The following STON1 variants were observed in gnomAD, a reference collection of about 807,000 sequenced individuals.
STON1 encodes the protein stonin 1.
In STON1, 79 loss-of-function variants were observed where a neutral mutation model predicts 60.9. The observed-to-expected ratio is 1.30, with a 90% confidence interval of 1.08 to 1.56. The LOEUF is 1.56. STON1 is among the 40% of genes most tolerant of loss of function. STON1 has a pLI of 0.00. For missense variants in STON1, 1,166 were observed against 858.9 expected (o/e 1.36, Z -4.47); for synonymous variants, 363 against 306.9 (o/e 1.18, Z -1.91).
intron 1 of STON1, among the ~76,000 whole-genome samples, chr2:48,574,420 T>C (rs1406934908): frequency 1.3e-5 from 2 of 151,798 alleles, no homozygotes; most frequent in Admixed American, 6.6e-5. Context: ...AATTTGATAG[T>C]TGTGATGGTT....
intron 2 of STON1, among the ~76,000 whole-genome samples, chr2:48,589,282 A>T (rs928752105): frequency 4.6e-5 from 7 of 152,104 alleles, no homozygotes; most frequent in Non-Finnish European, 8.8e-5. Context: ...TATCAACTAG[A>T]CCTAAGATTT....
chr2:48,565,094 C>A (rs1482752566), intron 1 of STON1, among the ~76,000 whole-genome samples: 15 of 145,150 alleles, frequency 1.0e-4, no homozygotes, highest in African/African-American at 3.8e-4. Context: ...GCTCTGTCGC[C>A]CAGGCTGGAG....
rs1248563008 is a variant in STON1 at position 48,598,316 on chromosome 2, T to C, written c.*3014T>C. On this transcript the variant is annotated 3_prime_UTR_variant, in exon 4 of 4. Coordinates refer to ENST00000404752, the MANE Select transcript of STON1 (RefSeq NM_006873.4). ...GTTAGTTCCCTTCATTCCAGAGCTA[T>C]GCTTGTGATACAGCCCCTTTTCTTA... is the stretch of plus-strand genomic sequence containing the variant. 2 of 152,732 alleles carry C rather than the reference T, an allele frequency of 1.3e-5. No homozygotes were observed. The highest frequency in any genetic ancestry group is 2.9e-5 in the Non-Finnish European group (2 of 68,034). 9.5% of individuals were successfully genotyped at this position (152,732 alleles called of 1,614,324 possible). A position where few individuals can be genotyped will look rare whatever the true frequency, so the allele number is the denominator to read the frequency against.
Position 48,560,396 on chromosome 2 carries a change from TGG to T in STON1, c.-47-20188_-47-20187del, listed in dbSNP as rs960761173. Among the ~76,000 whole-genome samples the T allele has an allele frequency of 7.2e-5, 11 of 152,170 alleles. 1 individual carries two copies. The highest frequency in any genetic ancestry group is 1.6e-4 in the Non-Finnish European group (11 of 68,014). ...AGGGTCCTGCACCCCAGCCCAAACCTGGGGACCCCTTAGGGATAATGCCCTTT... is the reference window on the plus strand; with the variant it reads ...AGGGTCCTGCACCCCAGCCCAAACCTGGACCCCTTAGGGATAATGCCCTTT... On this transcript the variant is annotated intron_variant, in intron 1 of 3. Coordinates refer to ENST00000404752, the MANE Select transcript of STON1 (RefSeq NM_006873.4).
At chr2:48,565,219 AT>A (rs1437865313) in intron 1 of STON1, among the ~76,000 whole-genome samples, 2 of 150,466 alleles carry the variant, frequency 1.3e-5, no homozygotes, top group African/African-American at 4.9e-5. Flanking sequence ...CGCCCGGCTA[AT>A]TTTTTGTATT....
chr2:48,580,464 T>A (rs62823761), intron 1 of STON1, 123 bp from the exon 2 acceptor site: 11 of 1,009,256 alleles, frequency 1.1e-5, no homozygotes, highest in African/African-American at 1.7e-5. Context: ...GTTTTTTTTT[T>A]AATCCACTTA....
intron 2 of STON1, among the ~76,000 whole-genome samples, chr2:48,589,146 G>A (rs779386974): frequency 1.3e-5 from 2 of 151,706 alleles, no homozygotes; most frequent in Non-Finnish European, 2.9e-5. Context: ...TTTTTCTTCT[G>A]CCCTGTCATC....
chr2:48,541,878 G>C (rs780922249), intron 1 of STON1, among the ~76,000 whole-genome samples: 3 of 152,044 alleles, frequency 2.0e-5, no homozygotes, highest in African/African-American at 4.8e-5. Flanking sequence ...CGCTTACTGC[G>C]GTGTCTCACT....
At position 48,577,185 on chromosome 2, in the gene STON1, C is replaced by G. The variant is rs552867225; in HGVS notation, c.-47-3402C>G. On this transcript the variant is annotated intron_variant, in intron 1 of 3. Transcript: ENST00000404752. The stretch of plus-strand genomic sequence containing the variant: ...AACTTTTAAGTTTAATGGTGTCTCA[C>G]TTTTCTGTTTTTGCTTTTGTTGCCT... Among the ~76,000 whole-genome samples, 7 of 152,208 alleles carry G rather than the reference C, an allele frequency of 4.6e-5. No homozygotes were observed. In the South Asian group the frequency reaches 1.4e-3, roughly 32 times the overall value.
chr2:48,576,926 C>A (rs946381849), intron 1 of STON1, among the ~76,000 whole-genome samples: 1 of 151,128 alleles, frequency 6.6e-6, no homozygotes, highest in Non-Finnish European at 1.5e-5. Flanking sequence ...CGGTGGCGGG[C>A]GCCTGTAGTC....
At chr2:48,552,630 T>A (rs1438723156) in intron 1 of STON1, among the ~76,000 whole-genome samples, 3 of 149,228 alleles carry the variant, frequency 2.0e-5, no homozygotes, top group African/African-American at 7.4e-5. Context: ...TTTAGCAGGG[T>A]ATGGTGGCAG....
At chr2:48,582,978 T>C (rs12992755) in intron 2 of STON1, among the ~76,000 whole-genome samples, 56,088 of 152,172 alleles carry the variant, frequency 0.37, 10,485 homozygotes, top group East Asian at 0.42. Flanking sequence ...CATTCTCAGC[T>C]GATACCACTT....
chr2:48,536,646 T>C (rs941191253), intron 1 of STON1, among the ~76,000 whole-genome samples: 4 of 152,136 alleles, frequency 2.6e-5, no homozygotes, highest in African/African-American at 9.7e-5. Flanking sequence ...TTTTTCAGAA[T>C]TTCTGGGCCA....
intron 1 of STON1, among the ~76,000 whole-genome samples, chr2:48,564,855 C>T (rs1223111012): frequency 6.7e-6 from 1 of 148,302 alleles, no homozygotes; most frequent in African/African-American, 2.5e-5. Flanking sequence ...GCCTCAGCCT[C>T]CTGAGTAGCT....
rs561245373 is a variant in STON1 at position 48,545,524 on chromosome 2, T to C, written c.-48+15308T>C. Among the ~76,000 whole-genome samples the C allele has an allele frequency of 2.9e-3, 435 of 152,330 alleles. 4 individuals are homozygous for C. The highest frequency in any genetic ancestry group is 0.02 in the South Asian group (97 of 4,822). On this transcript the variant is annotated intron_variant, in intron 1 of 3. Transcript: ENST00000404752. Reference sequence around the variant, plus strand: ...GAGGGGCCATCTTTCCATGATTCTTTCGAGGGCTGCCTCAGTCACTCTCTG... The same window carrying C: ...GAGGGGCCATCTTTCCATGATTCTTCCGAGGGCTGCCTCAGTCACTCTCTG...
At chr2:48,565,446 A>G (rs966811283) in intron 1 of STON1, among the ~76,000 whole-genome samples, 2 of 152,146 alleles carry the variant, frequency 1.3e-5, no homozygotes, top group Admixed American at 1.3e-4. Context: ...ATATCATCAC[A>G]TTGGGATTCA....
At chr2:48,591,398 T>A (rs1411430185) in intron 2 of STON1, among the ~76,000 whole-genome samples, 1 of 151,922 alleles carries the variant, frequency 6.6e-6, no homozygotes, top group Non-Finnish European at 1.5e-5. Context: ...TATTTTTATA[T>A]TTTTGCCATT....
chr2:48,587,973 A>G (rs1353227452), intron 2 of STON1, among the ~76,000 whole-genome samples: 1 of 152,186 alleles, frequency 6.6e-6, no homozygotes, highest in Non-Finnish European at 1.5e-5. Flanking sequence ...TAGGGAGGGC[A>G]ATGCAGAGAG....
chr2:48,591,754 C>T lies in STON1; in HGVS notation c.2032C>T (p.Pro678Ser), dbSNP rs1165687483. ...ATTTGCTACTGTTCAGTTTTCCGTGCCTGACACCTGTGCCTCAAGGACAGA... is the reference window on the plus strand; with the variant it reads ...ATTTGCTACTGTTCAGTTTTCCGTGTCTGACACCTGTGCCTCAAGGACAGA... ...YPFATVQFSV[P>S]DTCASRTEVR... Residue 678 changes from proline to serine, a missense_variant, in exon 3 of 4, where the codon CCT becomes TCT. Transcript: ENST00000404752. 6.2e-7 allele frequency: 1 copy of T among 1,614,034 alleles called. No homozygotes were observed. Among genetic ancestry groups the T allele is most frequent in the Non-Finnish European group, 8.5e-7 (1 of 1,180,046 alleles).
Sources: gnomAD v4.1 joint callset for allele counts (sites outside exome capture counted in the v4.1 genomes callset) on GRCh38, gnomAD v4.1.1 for gene constraint, MANE v1.5 for transcripts, NCBI Gene and HGNC (gene_info 2026-07-23, HGNC 2026-07-21) for gene names.